Variants in MAPK8 observed in about 807,000 individuals in gnomAD.
MAPK8 encodes mitogen-activated protein kinase 8, also known as JUN N-terminal kinase.
Under a neutral mutation model 52.9 loss-of-function variants are expected in MAPK8, and 13 were observed. That is an observed-to-expected ratio of 0.25 (90% CI 0.16 to 0.39). The LOEUF is 0.39. MAPK8 is among the 10% of genes least tolerant of loss of function. The pLI, the probability that MAPK8 is intolerant of heterozygous loss-of-function variation, is 1.00. For synonymous variants in MAPK8, 191 were observed against 169.8 expected, an observed-to-expected ratio of 1.12 and a Z score of -0.97; for missense variants, 300 against 519.2, an observed-to-expected ratio of 0.58 and a Z score of 4.10.
At chr10:48,372,892 A>G (rs950545379) in intron 1 of MAPK8, among the ~76,000 whole-genome samples, 1 of 152,118 alleles carries the variant, frequency 6.6e-6, no homozygotes, top group Non-Finnish European at 1.5e-5. Flanking sequence ...AGAACACCAC[A>G]AAGATATTCC....
intron 3 of MAPK8, among the ~76,000 whole-genome samples, chr10:48,407,925 C>G (rs1458194623): frequency 1.3e-5 from 2 of 152,168 alleles, no homozygotes; most frequent in East Asian, 1.9e-4. Context: ...TCCTATTGTG[C>G]ATTGCATGCG....
At chr10:48,395,310 A>G (rs1003084702) in intron 1 of MAPK8, among the ~76,000 whole-genome samples, 2 of 152,188 alleles carry the variant, frequency 1.3e-5, no homozygotes, top group South Asian at 4.1e-4. Context: ...AAGGATAAAC[A>G]TATTATTAAT....
In MAPK8 at chr10:48,421,294, T is replaced by C. The variant is rs529029224; in HGVS notation, c.616+974T>C. 1.2e-3 allele frequency among the ~76,000 whole-genome samples: 177 copies of C among 152,384 alleles called. 5 individuals are homozygous for C. The South Asian group carries it at 0.035, about 30-fold the overall frequency. ...ACATTTGCTATTAATTTTTTATTCT[T>C]AAGTAAATATGCTGTTCTTTTTACT... On this transcript the variant is annotated intron_variant, in intron 6 of 11. Transcript: ENST00000374189.
intron 10 of MAPK8, chr10:48,430,990 T>G: frequency 1.7e-6 from 1 of 593,758 alleles, no homozygotes; most frequent in Admixed American, 3.1e-5. Context: ...AGTACTTCCT[T>G]TTAATATGAT....
intron 7 of MAPK8, chr10:48,425,287 C>G (rs1194977411): frequency 3.0e-6 from 2 of 670,870 alleles, no homozygotes; most frequent in Non-Finnish European, 2.7e-6. Context: ...ACCAAGAAAT[C>G]CTAACCTTAC....
chr10:48,374,599 A>T (rs2040538439), intron 1 of MAPK8, among the ~76,000 whole-genome samples: 2 of 152,232 alleles, frequency 1.3e-5, no homozygotes, highest in Non-Finnish European at 2.9e-5. Flanking sequence ...ATCAGAGAAT[A>T]CTATAAACAC....
intron 1 of MAPK8, among the ~76,000 whole-genome samples, chr10:48,370,096 G>A (rs1283146336): frequency 6.6e-6 from 1 of 152,132 alleles, no homozygotes; most frequent in Non-Finnish European, 1.5e-5. Context: ...AATCAGTTGA[G>A]CAAGATCAGG....
chr10:48,353,128 C>T (rs908887869), intron 1 of MAPK8, among the ~76,000 whole-genome samples: 3 of 152,148 alleles, frequency 2.0e-5, no homozygotes, highest in Non-Finnish European at 4.4e-5. Flanking sequence ...ATACTGTGCT[C>T]ATAGATTGGA....
chr10:48,409,818 T>C (rs1036973545), intron 3 of MAPK8, 61 bp from the exon 4 acceptor site: 9 of 1,125,642 alleles, frequency 8.0e-6, no homozygotes, highest in African/African-American at 3.1e-5. Context: ...TATTTGTAGT[T>C]CCCAAATTAA....
chr10:48,360,772 G>T (rs772869248), intron 1 of MAPK8, among the ~76,000 whole-genome samples: 5 of 152,074 alleles, frequency 3.3e-5, no homozygotes, highest in Non-Finnish European at 2.9e-5. Flanking sequence ...AAATATGACT[G>T]GGATAAATAC....
chr10:48,314,787 T>G (rs978922399), intron 1 of MAPK8, among the ~76,000 whole-genome samples: 2 of 152,244 alleles, frequency 1.3e-5, no homozygotes, highest in African/African-American at 4.8e-5. Flanking sequence ...TTTCCTAGAT[T>G]TGTAGGATTA....
At chr10:48,424,291 C>G in intron 7 of MAPK8, 132 bp downstream of exon 7, 4 of 860,132 alleles carry the variant, frequency 4.7e-6, no homozygotes, top group Non-Finnish European at 7.1e-6. Context: ...TATTATAGTT[C>G]AAAAATTGTT....
chr10:48,430,468 A>C (rs1347422644), intron 10 of MAPK8: 1 of 152,388 alleles, frequency 6.6e-6, no homozygotes, highest in South Asian at 2.1e-4. Context: ...TCTGATGATA[A>C]TATAAGTGAA....
chr10:48,331,364 C>T (rs1844127706), intron 1 of MAPK8, among the ~76,000 whole-genome samples: 1 of 152,196 alleles, frequency 6.6e-6, no homozygotes, highest in East Asian at 1.9e-4. Flanking sequence ...TGACCTTCTG[C>T]TTTTTGTATA....
chr10:48,329,966 T>G (rs1433324102), intron 1 of MAPK8, among the ~76,000 whole-genome samples: 1 of 152,206 alleles, frequency 6.6e-6, no homozygotes, highest in East Asian at 1.9e-4. Context: ...ACGGCAAATA[T>G]AAAATATTTA....
intron 1 of MAPK8, among the ~76,000 whole-genome samples, chr10:48,372,893 A>G (rs1333326867): frequency 6.6e-6 from 1 of 152,124 alleles, no homozygotes; most frequent in Non-Finnish European, 1.5e-5. Context: ...GAACACCACA[A>G]AGATATTCCT....
rs80292745 is a variant in MAPK8 at position 48,377,835 on chromosome 10, T to C, written c.-49-23777T>C. On this transcript the variant is annotated intron_variant, in intron 1 of 11. Coordinates refer to ENST00000374189, the MANE Select transcript of MAPK8 (RefSeq NM_001323329.2). ...ATAGGGAGGGAGTGACTACAAAAGT[T>C]GCTTATCAGGAATTCTAATTGGTTT... is the stretch of plus-strand genomic sequence containing the variant. Among the ~76,000 whole-genome samples, 1,044 of 152,306 alleles carry C rather than the reference T, an allele frequency of 6.9e-3. 14 individuals are homozygous for C. The highest frequency in any genetic ancestry group is 0.024 in the African/African-American group (985 of 41,566).
intron 1 of MAPK8, among the ~76,000 whole-genome samples, chr10:48,326,588 C>A (rs1012477798): frequency 1.3e-5 from 2 of 151,932 alleles, no homozygotes; most frequent in East Asian, 1.9e-4. Context: ...GCAGATAGAG[C>A]AAATAAATAT....
chr10:48,395,953 A>C (rs1411529523), intron 1 of MAPK8, among the ~76,000 whole-genome samples: 4 of 152,152 alleles, frequency 2.6e-5, no homozygotes, highest in African/African-American at 9.6e-5. Context: ...TTTGACTTAA[A>C]ACTCTTATAC....
Sources: allele counts gnomAD v4.1 joint callset (sites outside exome capture counted in the v4.1 genomes callset), GRCh38; gene constraint gnomAD v4.1.1; transcripts MANE v1.5; gene names NCBI Gene and HGNC (gene_info 2026-07-23, HGNC 2026-07-21).